The following RABGEF1 variants were observed in gnomAD, a reference collection of about 807,000 sequenced individuals.
The protein encoded by RABGEF1 is rab5 GDP/GTP exchange factor.
A neutral mutation model predicts 57.3 loss-of-function variants in RABGEF1; 26 were observed. The ratio of observed to expected loss-of-function variants is 0.45; its 90% CI spans 0.33 to 0.63. The LOEUF is 0.63. Among genes scored for constraint, RABGEF1 ranks in the 20% least tolerant of loss-of-function variants. The probability of loss-of-function intolerance (pLI) is 0.02; values close to 1 mark genes in which losing one functional copy is unlikely to be tolerated. For synonymous variants in RABGEF1, 185 were observed against 210.7 expected, an observed-to-expected ratio of 0.88 and a Z score of 1.06; for missense variants, 464 against 607.6, an observed-to-expected ratio of 0.76 and a Z score of 2.48.
rs377351480 is a variant in RABGEF1, at chr7:66,723,184, G to T, written c.-815+10960G>T. ...GGGTTTCACCATGTTGGCCAGTCTG[G>T]TCTCCAATTCTTGACCTCATGTTAT... On this transcript the variant is annotated intron_variant and NMD_transcript_variant, in intron 2 of 9. Coordinates refer to the RABGEF1 transcript ENST00000607882. Among the ~76,000 whole-genome samples the T allele has an allele frequency of 3.9e-5, 6 of 152,166 alleles. No individual in the cohort carries two copies. The South Asian group carries it at 1.2e-3, about 32-fold the overall frequency.
intron 2 of RABGEF1, among the ~76,000 whole-genome samples, chr7:66,717,655 G>C (rs547262190): frequency 6.6e-6 from 1 of 152,108 alleles, no homozygotes; most frequent in South Asian, 2.1e-4. Flanking sequence ...ACCTCCCCAG[G>C]CTCAGGAGAT....
chr7:66,732,867 C>T (rs1797503383), intron 2 of RABGEF1, among the ~76,000 whole-genome samples: 1 of 152,208 alleles, frequency 6.6e-6, no homozygotes, highest in Non-Finnish European at 1.5e-5. Flanking sequence ...CCATCCCTTA[C>T]TGGGATTATT....
At chr7:66,662,580 A>G in the RABGEF1 span, among the ~76,000 whole-genome samples, 2 of 152,208 alleles carry the variant, frequency 1.3e-5, no homozygotes, top group Non-Finnish European at 1.5e-5. Context: ...AGGCTTCCCA[A>G]TGGGTCAGGA....
intron 2 of RABGEF1, among the ~76,000 whole-genome samples, chr7:66,735,169 C>T (rs894359662): frequency 9.2e-5 from 14 of 152,174 alleles, no homozygotes; most frequent in African/African-American, 3.1e-4. Flanking sequence ...TTTCCTCCCC[C>T]CTCAAATGCC....
At chr7:66,764,885 T>C (rs190728451) in intron 1 of RABGEF1, among the ~76,000 whole-genome samples, 19 of 152,360 alleles carry the variant, frequency 1.2e-4, no homozygotes, top group African/African-American at 3.6e-4. Flanking sequence ...GTTTTGAAAT[T>C]AGGAAATGTC....
At chr7:66,704,810 CAA>C (rs368286166) in intron 1 of RABGEF1, among the ~76,000 whole-genome samples, 14 of 83,514 alleles carry the variant, frequency 1.7e-4, no homozygotes, top group Admixed American at 1.3e-4. Flanking sequence ...GACTCCGTCT[CAA>C]AAAAAAAAAA....
At chr7:66,724,853 CT>C (rs1796426846) in intron 2 of RABGEF1, among the ~76,000 whole-genome samples, 1 of 152,044 alleles carries the variant, frequency 6.6e-6, no homozygotes, top group South Asian at 2.1e-4. Flanking sequence ...TTTTGGCTTG[CT>C]TTTTTCCCTT....
upstream of RABGEF1, among the ~76,000 whole-genome samples, chr7:66,739,338 A>C (rs1209335574): frequency 6.6e-6 from 1 of 151,712 alleles, no homozygotes; most frequent in Non-Finnish European, 1.5e-5. Context: ...GTTAATCCCT[A>C]CTTTACCAAT....
At position 66,775,347 on chromosome 7, in the gene RABGEF1, A is replaced by T. The variant is rs1437257707; in HGVS notation, c.300A>T (p.Thr100=). Reference sequence around the variant, plus strand: ...ACGAGAAGACCCGCAAGGTTACCACAGTGAAGAAATTCTTCAGTGCATCTT... The same window carrying T: ...ACGAGAAGACCCGCAAGGTTACCACTGTGAAGAAATTCTTCAGTGCATCTT... The part of the protein sequence containing the change: ...KTNEKTRKVT[T]VKKFFSASSR... Residue 100 remains threonine, a synonymous_variant, in exon 3 of 9, where the codon ACA becomes ACT. Transcript: ENST00000284957. 1 of 1,613,988 alleles carries T rather than the reference A, an allele frequency of 6.2e-7. No individual in the cohort carries two copies. The highest frequency in any genetic ancestry group is 1.1e-5 in the South Asian group (1 of 91,074).
chr7:66,804,988 C>G (rs753456709), intron 7 of RABGEF1, 152 bp from the exon 8 acceptor site: 1 of 865,800 alleles, frequency 1.2e-6, no homozygotes, highest in Non-Finnish European at 1.7e-6. Context: ...AGTATGAGAT[C>G]ATATTTACTA....
At chr7:66,744,049 T>G (rs1050369369) in intron 1 of RABGEF1, among the ~76,000 whole-genome samples, 1 of 151,232 alleles carries the variant, frequency 6.6e-6, no homozygotes, top group African/African-American at 2.4e-5. Context: ...TTCTTTTTTT[T>G]TTTTTTAAGA....
Position 66,797,359 on chromosome 7 carries a change from G to A in RABGEF1, c.596-15G>A. Reference sequence around the variant, plus strand: ...ATATATATATCTTGATCTTTTCTCTGTCTGGTTATTTCAGTGCCTCCAGAA... The same window carrying A: ...ATATATATATCTTGATCTTTTCTCTATCTGGTTATTTCAGTGCCTCCAGAA... On this transcript the variant is annotated splice_polypyrimidine_tract_variant and intron_variant, in intron 5 of 8. Transcript: ENST00000284957. 1.3e-6 allele frequency: 2 copies of A among 1,582,774 alleles called. No individual in the cohort carries two copies. The highest frequency in any genetic ancestry group is 1.7e-6 in the Non-Finnish European group (2 of 1,166,150).
chr7:66,694,997 G>A (rs1440398236), intron 1 of RABGEF1, among the ~76,000 whole-genome samples: 2 of 152,184 alleles, frequency 1.3e-5, no homozygotes, highest in East Asian at 1.9e-4. Context: ...AAGCCACAGG[G>A]TGGAGGAATG....
chr7:66,719,851 A>C (rs1795807143), intron 2 of RABGEF1, among the ~76,000 whole-genome samples: 2 of 152,294 alleles, frequency 1.3e-5, no homozygotes, highest in Non-Finnish European at 2.9e-5. Context: ...GTTATAGCAG[A>C]AGTTATATGG....
intron 2 of RABGEF1, among the ~76,000 whole-genome samples, chr7:66,713,167 A>C (rs1562725955): frequency 2.4e-5 from 3 of 124,024 alleles, no homozygotes. Context: ...TTTGAGACGT[A>C]GTCTCCCTCT....
intron 8 of RABGEF1, 34 bp downstream of exon 8, chr7:66,805,430 G>A: frequency 6.2e-7 from 1 of 1,607,610 alleles, no homozygotes; most frequent in Non-Finnish European, 8.5e-7. Flanking sequence ...TGTGGAGAAG[G>A]ACTAGGAAGG....
At chr7:66,696,100 C>T (rs138020304) in intron 1 of RABGEF1, among the ~76,000 whole-genome samples, 161 of 152,056 alleles carry the variant, frequency 1.1e-3, no homozygotes, top group African/African-American at 3.6e-3. Context: ...CAGGGTCTCA[C>T]TGTTGCCCAG....
chr7:66,668,850 T>G, the RABGEF1 span: 1 of 152,422 alleles, frequency 6.6e-6, no homozygotes, highest in Non-Finnish European at 1.5e-5. Flanking sequence ...CCAGGGGCAC[T>G]CTAACCTTGC....
chr7:66,751,273 C>T (rs1000250263), intron 1 of RABGEF1, among the ~76,000 whole-genome samples: 3 of 152,154 alleles, frequency 2.0e-5, no homozygotes, highest in Admixed American at 6.5e-5. Flanking sequence ...TCAGGTGATC[C>T]GCCTGCCTCG....
Sources: gnomAD v4.1 joint callset for allele counts (sites outside exome capture counted in the v4.1 genomes callset) on GRCh38, gnomAD v4.1.1 for gene constraint, MANE v1.5 for transcripts, NCBI Gene and HGNC (gene_info 2026-07-23, HGNC 2026-07-21) for gene names.